Variants in HPSE2 observed in about 807,000 individuals in gnomAD.
HPSE2 encodes inactive heparanase-2.
HPSE2 carries 38 observed loss-of-function variants against 60.5 expected under a neutral mutation model. The ratio of observed to expected loss-of-function variants is 0.63; its 90% CI spans 0.48 to 0.82. HPSE2 has a LOEUF of 0.82. HPSE2 is among the 40% of genes least tolerant of loss of function. HPSE2 has a pLI of 0.00. For synonymous variants in HPSE2, 295 were observed against 293.2 expected (o/e 1.01, Z -0.06); for missense variants, 713 against 740.4 (o/e 0.96, Z 0.43).
chr10:98,464,766 C>T (rs1056176832), intron 11 of HPSE2, among the ~76,000 whole-genome samples: 12 of 152,112 alleles, frequency 7.9e-5, no homozygotes, highest in Admixed American at 7.9e-4. Context: ...AAAGAGGCTC[C>T]CTGGAGGTTT....
intron 9 of HPSE2, among the ~76,000 whole-genome samples, chr10:98,611,728 C>T (rs1945767050): frequency 6.6e-6 from 1 of 152,118 alleles, no homozygotes; most frequent in African/African-American, 2.4e-5. Context: ...CTCCCAGCTG[C>T]CAAGTTCTCT....
intron 3 of HPSE2, among the ~76,000 whole-genome samples, chr10:98,889,225 C>T (rs1326415791): frequency 6.6e-6 from 1 of 151,682 alleles, no homozygotes; most frequent in Non-Finnish European, 1.5e-5. Flanking sequence ...ATTTTGGAAA[C>T]AGGATCTCAT....
chr10:98,726,025 A>G (rs1448861093), intron 4 of HPSE2, among the ~76,000 whole-genome samples: 1 of 152,210 alleles, frequency 6.6e-6, no homozygotes, highest in East Asian at 1.9e-4. Flanking sequence ...GAACACTTTT[A>G]CACCATTGGT....
intron 3 of HPSE2, among the ~76,000 whole-genome samples, chr10:98,819,265 AC>A (rs1951364038): frequency 6.6e-6 from 1 of 152,176 alleles, no homozygotes; most frequent in Non-Finnish European, 1.5e-5. Flanking sequence ...GTCCTTATCA[AC>A]ACTGGGGCAA....
chr10:98,953,275 CT>C (rs1955419460), intron 3 of HPSE2, among the ~76,000 whole-genome samples: 1 of 152,176 alleles, frequency 6.6e-6, no homozygotes, highest in Non-Finnish European at 1.5e-5. Flanking sequence ...GTGCAGGGGT[CT>C]TGGGATAGGA....
intron 9 of HPSE2, among the ~76,000 whole-genome samples, chr10:98,601,653 C>A (rs914857575): frequency 2.0e-5 from 3 of 152,226 alleles, no homozygotes; most frequent in Non-Finnish European, 2.9e-5. Context: ...TAATTGCCCA[C>A]CCCTGCGGGG....
chr10:98,457,997 G>A lies in HPSE2; in HGVS notation c.*1577C>T, dbSNP rs1302096811. The A allele has an allele frequency of 2.0e-5, 3 of 152,290 alleles. No homozygotes were observed. Among genetic ancestry groups the A allele is most frequent in the African/African-American group, 4.8e-5 (2 of 41,414 alleles). 9.4% of individuals were successfully genotyped at this position (152,290 alleles called of 1,614,324 possible). A position where few individuals can be genotyped will look rare whatever the true frequency, so the allele number is the denominator to read the frequency against. On this transcript the variant is annotated 3_prime_UTR_variant, in exon 12 of 12. Transcript: ENST00000370552. ...CGGTCCCCTCGCTTCCTGGAATTAG[G>A]TAGTCAGCTTCCCTCTCCCAAATCC...
At chr10:99,203,713 C>T (rs752115282) in intron 2 of HPSE2, among the ~76,000 whole-genome samples, 7 of 152,142 alleles carry the variant, frequency 4.6e-5, no homozygotes, top group African/African-American at 1.4e-4. Flanking sequence ...AGCACCCACA[C>T]GCTGAACCAA....
chr10:98,600,756 AAAT>A (rs1315790520), intron 9 of HPSE2, among the ~76,000 whole-genome samples: 4 of 107,136 alleles, frequency 3.7e-5, no homozygotes, highest in Admixed American at 1.1e-4. Context: ...CACACAAAAA[AAAT>A]ATACACACAT....
chr10:99,168,684 C>A (rs1167338654), intron 2 of HPSE2, among the ~76,000 whole-genome samples: 1 of 152,102 alleles, frequency 6.6e-6, no homozygotes, highest in Non-Finnish European at 1.5e-5. Flanking sequence ...GAATTTCAGG[C>A]AATTAGCTTA....
At chr10:98,934,879 T>C (rs1265078567) in intron 3 of HPSE2, among the ~76,000 whole-genome samples, 2 of 143,586 alleles carry the variant, frequency 1.4e-5, no homozygotes, top group Non-Finnish European at 3.0e-5. Context: ...GAAGGGTGTT[T>C]TACAACTTGG....
chr10:98,512,966 G>C (rs74715367), intron 9 of HPSE2, among the ~76,000 whole-genome samples: 3,728 of 152,172 alleles, frequency 0.024, 145 homozygotes, highest in African/African-American at 0.083. Flanking sequence ...TGTTCTCACA[G>C]AACCATTTCT....
At chr10:98,540,714 GA>G (rs1240406799) in intron 9 of HPSE2, among the ~76,000 whole-genome samples, 1 of 152,174 alleles carries the variant, frequency 6.6e-6, no homozygotes, top group Non-Finnish European at 1.5e-5. Context: ...AAGATGGAGA[GA>G]AGGTTAAACA....
At chr10:99,300,437 T>C in the HPSE2 span, among the ~76,000 whole-genome samples, 130,548 of 152,202 alleles carry the variant, frequency 0.86, 56,379 homozygotes, top group African/African-American at 0.93. Flanking sequence ...ACCCATTTCT[T>C]AGGGCCACTG....
chr10:98,612,076 T>C (rs367762091), intron 9 of HPSE2, among the ~76,000 whole-genome samples: 10 of 152,342 alleles, frequency 6.6e-5, no homozygotes, highest in African/African-American at 2.2e-4. Context: ...AGGGTTGATA[T>C]GGAATCCAAG....
intron 3 of HPSE2, among the ~76,000 whole-genome samples, chr10:99,075,073 T>C (rs1842914015): frequency 6.6e-6 from 1 of 152,142 alleles, no homozygotes; most frequent in African/African-American, 2.4e-5. Flanking sequence ...CTTCCCTTTC[T>C]ACCTTTGGGC....
intron 3 of HPSE2, among the ~76,000 whole-genome samples, chr10:99,028,014 G>A (rs73339419): frequency 6.6e-6 from 1 of 151,978 alleles, no homozygotes; most frequent in African/African-American, 2.4e-5. Flanking sequence ...TGTAATAAAA[G>A]CCACATACAC....
chr10:98,852,557 C>T (rs929551036), intron 3 of HPSE2, among the ~76,000 whole-genome samples: 5 of 152,178 alleles, frequency 3.3e-5, no homozygotes, highest in Non-Finnish European at 7.4e-5. Context: ...GAAAAGAATG[C>T]TATACAGAGG....
At chr10:99,177,337 G>A (rs2805367) in intron 2 of HPSE2, among the ~76,000 whole-genome samples, 105,460 of 151,828 alleles carry the variant, frequency 0.69, 39,815 homozygotes, top group Non-Finnish European at 0.82. Context: ...CAAACTGCAT[G>A]GAGTCAAGAC....
Sources: allele counts gnomAD v4.1 joint callset (sites outside exome capture counted in the v4.1 genomes callset), GRCh38; gene constraint gnomAD v4.1.1; transcripts MANE v1.5; gene names NCBI Gene and HGNC (gene_info 2026-07-23, HGNC 2026-07-21).